The following SVIL variants were observed in gnomAD, a reference collection of about 807,000 sequenced individuals.
SVIL encodes the protein supervillin, also known as archvillin.
Under a neutral mutation model 240.4 loss-of-function variants are expected in SVIL, and 101 were observed. The observed-to-expected ratio is 0.42, with a 90% confidence interval of 0.36 to 0.50. The LOEUF (loss-of-function observed/expected upper bound fraction) is 0.50. SVIL is among the 20% of genes least tolerant of loss of function. The probability of loss-of-function intolerance (pLI) is 0.01; values close to 1 mark genes in which losing one functional copy is unlikely to be tolerated. For missense variants in SVIL, 2,512 were observed against 2,818.7 expected, an observed-to-expected ratio of 0.89 and a Z score of 2.46; for synonymous variants, 999 against 1,100.0, an observed-to-expected ratio of 0.91 and a Z score of 1.82.
chr10:29,682,970 T>C (rs146082955), intron 2 of SVIL, among the ~76,000 whole-genome samples: 1 of 152,286 alleles, frequency 6.6e-6, no homozygotes, highest in African/African-American at 2.4e-5. Context: ...CTGTAACATT[T>C]GAAGAGATTT....
intron 30 of SVIL, 46 bp downstream of exon 30, chr10:29,473,792 G>A: frequency 6.2e-7 from 1 of 1,612,116 alleles, no homozygotes; most frequent in Non-Finnish European, 8.5e-7. Flanking sequence ...TCCCAGGAGA[G>A]GATGCTCCTC....
Position 29,532,094 on chromosome 10 carries a change from T to C in SVIL, c.1917A>G (p.Pro639=), listed in dbSNP as rs766246800. The change falls in exon 9 of 38, where the codon CCA becomes CCG. Residue 639 remains proline, a synonymous_variant. Coordinates refer to ENST00000355867, the MANE Select transcript of SVIL (RefSeq NM_021738.3). ...TTTCACCAGGAGAAAAATAGCGTCT[T>C]GGTTTCCGGGACCCTCTCTCCCGTT... ...GVERERGSRK[P]RRYFSPGESR... is the part of the protein sequence containing the mutation. 1 of 1,613,960 alleles carries C rather than the reference T, an allele frequency of 6.2e-7. No homozygotes were observed. The highest frequency in any genetic ancestry group is 2.2e-5 in the East Asian group (1 of 44,904).
intron 1 of SVIL, among the ~76,000 whole-genome samples, chr10:29,712,196 C>A (rs1273329832): frequency 6.6e-6 from 1 of 152,106 alleles, no homozygotes; most frequent in Non-Finnish European, 1.5e-5. Flanking sequence ...GCTTGTGCTG[C>A]GGTTTGGATA....
At chr10:29,481,133 G>GGTGTGTGT (rs57479630) in intron 28 of SVIL, among the ~76,000 whole-genome samples, 7,594 of 141,236 alleles carry the variant, frequency 0.054, 211 homozygotes, top group Middle Eastern at 0.076. Flanking sequence ...TAGCTTTAAG[G>GGTGTGTGT]GTGTGTGTGT....
chr10:29,713,905 G>A lies in SVIL; in HGVS notation c.-400+21846C>T, dbSNP rs115362080. On this transcript the variant is annotated intron_variant, in intron 1 of 35. Coordinates refer to the SVIL transcript ENST00000375400. ...TTCAAGGCTTCTTGCAGTCTCTAAT[G>A]TGCTTATGAGCTTTTGGAAGCCAAA... Among the ~76,000 whole-genome samples the A allele has an allele frequency of 9.6e-3, 1,456 of 152,296 alleles. 32 individuals carry two copies. Among genetic ancestry groups the A allele is most frequent in the African/African-American group, 0.032 (1,339 of 41,550 alleles).
chr10:29,521,861 C>A (rs138666422), intron 16 of SVIL, among the ~76,000 whole-genome samples: 1 of 152,298 alleles, frequency 6.6e-6, no homozygotes, highest in East Asian at 1.9e-4. Context: ...CAAGCTATTA[C>A]CTGACATACA....
chr10:29,712,928 G>A (rs1358692307), intron 1 of SVIL, among the ~76,000 whole-genome samples: 2 of 152,182 alleles, frequency 1.3e-5, no homozygotes, highest in Non-Finnish European at 2.9e-5. Context: ...TGTAATCCCA[G>A]CACTTTGGGA....
rs3031442 is a variant in SVIL at position 29,552,562 on chromosome 10, C to CAAAAA, written c.161-1304_161-1300dup. Among the ~76,000 whole-genome samples, 269 of 82,152 alleles carry CAAAAA rather than the reference C, an allele frequency of 3.3e-3. 1 individual carries two copies. The highest frequency in any genetic ancestry group is 5.1e-3 in the South Asian group (12 of 2,348). The allele number at this position is 82,152 out of a possible 152,430, so 53.9% of individuals were successfully genotyped here. ...TGGGCAACAAAGTGAGACTCTGTCT[C>CAAAAA]AAAAAAAAAAAAAAAAAAAATTCCC... On this transcript the variant is annotated intron_variant, in intron 5 of 37. Coordinates refer to ENST00000355867, the MANE Select transcript of SVIL (RefSeq NM_021738.3).
chr10:29,465,385 C>T (rs1220770823), intron 34 of SVIL, among the ~76,000 whole-genome samples: 1 of 152,162 alleles, frequency 6.6e-6, no homozygotes, highest in African/African-American at 2.4e-5. Context: ...ACTTGAGTCT[C>T]GTTCCTTATG....
chr10:29,688,391 A>G (rs1961250365), intron 1 of SVIL, among the ~76,000 whole-genome samples: 1 of 152,206 alleles, frequency 6.6e-6, no homozygotes, highest in African/African-American at 2.4e-5. Context: ...GGGGCAGCCA[A>G]GCATCTGAAG....
At chr10:29,496,680 A>G (rs1157696619) in intron 18 of SVIL, among the ~76,000 whole-genome samples, 1 of 152,232 alleles carries the variant, frequency 6.6e-6, no homozygotes, top group African/African-American at 2.4e-5. Flanking sequence ...TTAAAACAAA[A>G]CAAAGATCTC....
chr10:29,613,629 C>T (rs1400358024), intron 1 of SVIL, among the ~76,000 whole-genome samples: 1 of 152,098 alleles, frequency 6.6e-6, no homozygotes, highest in Non-Finnish European at 1.5e-5. Flanking sequence ...TGGGGCCTGG[C>T]CATTTATCAA....
At chr10:29,622,024 GC>G (rs1444491688) in intron 1 of SVIL, among the ~76,000 whole-genome samples, 8 of 151,820 alleles carry the variant, frequency 5.3e-5, no homozygotes, top group Admixed American at 3.3e-4. Context: ...GCCGAGGCGG[GC>G]GGATCACGAG....
intron 1 of SVIL, among the ~76,000 whole-genome samples, chr10:29,571,692 A>G (rs1386941634): frequency 1.3e-5 from 2 of 152,254 alleles, no homozygotes; most frequent in Non-Finnish European, 2.9e-5. Flanking sequence ...TTTTAACCAC[A>G]ATATGTAGTT....
intron 28 of SVIL, among the ~76,000 whole-genome samples, chr10:29,481,163 TG>T (rs1193544808): frequency 2.5e-4 from 37 of 150,874 alleles, no homozygotes; most frequent in African/African-American, 8.9e-4. Flanking sequence ...TGTGTGTGTG[TG>T]TGTTTGTTTG....
chr10:29,473,687 C>A (rs976667689), intron 30 of SVIL, 151 bp downstream of exon 30: 14 of 958,020 alleles, frequency 1.5e-5, no homozygotes, highest in Non-Finnish European at 1.8e-5. Context: ...CAGCCTGAGA[C>A]CTGCAGAAGC....
At chr10:29,611,690 C>T (rs1349438523) in intron 1 of SVIL, among the ~76,000 whole-genome samples, 1 of 152,128 alleles carries the variant, frequency 6.6e-6, no homozygotes, top group Non-Finnish European at 1.5e-5. Flanking sequence ...GGCAGGACCC[C>T]AGCTCTGCAG....
rs185099446 is a variant in SVIL at position 29,706,582 on chromosome 10, G to A, written c.-399-19931C>T. Reference sequence around the variant, plus strand: ...CTGTCAGATGGGTAGATTGCAAAAAGTTTCTCCCATTCTGTGGGTTGCCTG... The same window carrying A: ...CTGTCAGATGGGTAGATTGCAAAAAATTTCTCCCATTCTGTGGGTTGCCTG... On this transcript the variant is annotated intron_variant, in intron 1 of 35. Transcript: ENST00000375400. 4.8e-3 allele frequency among the ~76,000 whole-genome samples: 737 copies of A among 152,092 alleles called. 8 individuals carry two copies. The highest frequency in any genetic ancestry group is 0.017 in the African/African-American group (700 of 41,504).
chr10:29,731,494 G>A (rs867282272), intron 1 of SVIL, among the ~76,000 whole-genome samples: 1 of 152,126 alleles, frequency 6.6e-6, no homozygotes, highest in Admixed American at 6.6e-5. Flanking sequence ...TCATGCAATA[G>A]AAAAATGTAT....
Sources: allele counts gnomAD v4.1 joint callset (sites outside exome capture counted in the v4.1 genomes callset), GRCh38; gene constraint gnomAD v4.1.1; transcripts MANE v1.5; gene names NCBI Gene and HGNC (gene_info 2026-07-23, HGNC 2026-07-21).